Variants in TCF7L1 observed in about 807,000 individuals in gnomAD.
TCF7L1 encodes transcription factor 7-like 1.
In TCF7L1, 18 loss-of-function variants were observed where a neutral mutation model predicts 63.7. That is an observed-to-expected ratio of 0.28 (90% CI 0.20 to 0.42). TCF7L1 has a LOEUF of 0.42. Ranked by LOEUF, TCF7L1 falls within the 10% of genes least tolerant of loss-of-function variation. The pLI, the probability that TCF7L1 is intolerant of heterozygous loss-of-function variation, is 1.00. For synonymous variants in TCF7L1, 355 were observed against 340.9 expected (o/e 1.04, Z -0.46); for missense variants, 654 against 779.3 (o/e 0.84, Z 1.91).
At chr2:85,174,587 G>A (rs1054420273) in intron 3 of TCF7L1, among the ~76,000 whole-genome samples, 1 of 152,154 alleles carries the variant, frequency 6.6e-6, no homozygotes, top group African/African-American at 2.4e-5. Context: ...CATTTCTGTG[G>A]CTGTTCTGTG....
Position 85,303,968 on chromosome 2 carries a change from C to T in TCF7L1, c.732C>T (p.Ile244=), listed in dbSNP as rs750361650. ...TCTCTCCCGGAGCTGTCGGACAAAT[C>T]CCCCACCCCCTCGGCTGGCTCGTCC... The part of the protein sequence containing the change: ...YPLSPGAVGQ[I]PHPLGWLVPQ... Residue 244 remains isoleucine, a synonymous_variant, in exon 6 of 12, where the codon ATC becomes ATT. Coordinates refer to ENST00000282111, the MANE Select transcript of TCF7L1 (RefSeq NM_031283.3). 14 of 1,612,070 alleles carry T rather than the reference C, an allele frequency of 8.7e-6. 1 individual carries two copies. Among genetic ancestry groups the T allele is most frequent in the Non-Finnish European group, 1.2e-5 (14 of 1,179,110 alleles).
Position 85,310,158 on chromosome 2 carries a change from C to G in TCF7L1, c.*696C>G, listed in dbSNP as rs931899706. 7.2e-5 allele frequency: 11 copies of G among 152,670 alleles called. No individual in the cohort carries two copies. Among genetic ancestry groups the G allele is most frequent in the African/African-American group, 2.4e-4 (10 of 41,454 alleles). The allele number at this position is 152,670 out of a possible 1,614,324, so 9.5% of individuals were successfully genotyped here. On this transcript the variant is annotated 3_prime_UTR_variant, in exon 12 of 12. Coordinates refer to ENST00000282111, the MANE Select transcript of TCF7L1 (RefSeq NM_031283.3). ...CCCGTCCTTGCCAGTGGCGATCATC[C>G]CTTCACAATCCCAGAGTGGCAGGCG...
At chr2:85,174,168 A>G (rs917825789) in intron 3 of TCF7L1, among the ~76,000 whole-genome samples, 4 of 151,620 alleles carry the variant, frequency 2.6e-5, no homozygotes, top group Non-Finnish European at 5.9e-5. Context: ...CTCTCCCCCA[A>G]CCTTTGGCAG....
intron 3 of TCF7L1, among the ~76,000 whole-genome samples, chr2:85,282,497 A>ATTTGAT (rs1271029702): frequency 6.6e-6 from 1 of 152,214 alleles, no homozygotes; most frequent in African/African-American, 2.4e-5. Flanking sequence ...GTCATTTATC[A>ATTTGAT]AATGTCTCCC....
At chr2:85,148,086 A>G (rs1253940697) in intron 3 of TCF7L1, among the ~76,000 whole-genome samples, 5 of 152,214 alleles carry the variant, frequency 3.3e-5, no homozygotes, top group East Asian at 1.9e-4. Flanking sequence ...ACTTTACAAC[A>G]TAAGCTTTTT....
At chr2:85,252,121 G>A (rs185673325) in intron 3 of TCF7L1, among the ~76,000 whole-genome samples, 1 of 152,258 alleles carries the variant, frequency 6.6e-6, no homozygotes, top group African/African-American at 2.4e-5. Flanking sequence ...TGCTGTGTGT[G>A]CATTGGGTGG....
chr2:85,304,627 G>A lies in TCF7L1; in HGVS notation c.845+289G>A, dbSNP rs146471729. On this transcript the variant is annotated intron_variant, in intron 7 of 11. Transcript: ENST00000282111. ...AGCATTTTGAGGACAGATGCTCCCC[G>A]ACTTAGGATGGAGCCGCGTCCTGAT... Among the ~76,000 whole-genome samples, 931 of 152,254 alleles carry A rather than the reference G, an allele frequency of 6.1e-3. 12 individuals carry two copies. The highest frequency in any genetic ancestry group is 0.021 in the African/African-American group (868 of 41,528).
chr2:85,305,477 A>G, intron 8 of TCF7L1, 74 bp downstream of exon 8: 1 of 1,513,144 alleles, frequency 6.6e-7, no homozygotes, highest in Non-Finnish European at 8.9e-7. Flanking sequence ...TCTGAGCAGC[A>G]AATGTCATGT....
At chr2:85,295,235 C>T (rs1417021644) in intron 4 of TCF7L1, among the ~76,000 whole-genome samples, 1 of 152,028 alleles carries the variant, frequency 6.6e-6, no homozygotes, top group Non-Finnish European at 1.5e-5. Flanking sequence ...GAGTATTGCT[C>T]TTGTCACCCA....
intron 3 of TCF7L1, among the ~76,000 whole-genome samples, chr2:85,234,636 C>T (rs1250209202): frequency 6.6e-6 from 1 of 152,158 alleles, no homozygotes; most frequent in Non-Finnish European, 1.5e-5. Flanking sequence ...TATGTTCTGC[C>T]CGAAGTGGAT....
At chr2:85,256,211 C>G (rs1044618369) in intron 3 of TCF7L1, among the ~76,000 whole-genome samples, 1 of 152,214 alleles carries the variant, frequency 6.6e-6, no homozygotes. Context: ...TGGCGTCCCC[C>G]CCGCCCCAAC....
At chr2:85,242,991 G>A (rs79538389) in intron 3 of TCF7L1, among the ~76,000 whole-genome samples, 4 of 152,194 alleles carry the variant, frequency 2.6e-5, no homozygotes, top group Non-Finnish European at 4.4e-5. Flanking sequence ...TCGACGCACC[G>A]ACATCTTGGC....
At chr2:85,136,004 T>G (rs1677585426) in intron 3 of TCF7L1, among the ~76,000 whole-genome samples, 1 of 152,064 alleles carries the variant, frequency 6.6e-6, no homozygotes, top group East Asian at 1.9e-4. Context: ...CCCACACATG[T>G]AGCTTAGTTC....
chr2:85,204,662 C>T (rs949370561), intron 3 of TCF7L1, among the ~76,000 whole-genome samples: 2 of 152,046 alleles, frequency 1.3e-5, no homozygotes, highest in Non-Finnish European at 1.5e-5. Flanking sequence ...ACTGTAGGCA[C>T]GTGCACCACG....
chr2:85,181,330 T>C (rs187547286), intron 3 of TCF7L1, among the ~76,000 whole-genome samples: 54 of 152,358 alleles, frequency 3.5e-4, no homozygotes, highest in African/African-American at 1.2e-3. Context: ...GTTAGTAAAC[T>C]ACAGCCTTCA....
At chr2:85,236,997 T>C (rs1319532738) in intron 3 of TCF7L1, among the ~76,000 whole-genome samples, 1 of 152,214 alleles carries the variant, frequency 6.6e-6, no homozygotes, top group Non-Finnish European at 1.5e-5. Context: ...TGATCTCAGA[T>C]AACCTGCATT....
chr2:85,284,926 CAT>C (rs1475024845), intron 4 of TCF7L1, among the ~76,000 whole-genome samples: 1 of 152,164 alleles, frequency 6.6e-6, no homozygotes. Context: ...TACTTCATCT[CAT>C]AGGACATTTT....
At chr2:85,210,847 A>G (rs1482571822) in intron 3 of TCF7L1, among the ~76,000 whole-genome samples, 1 of 152,146 alleles carries the variant, frequency 6.6e-6, no homozygotes, top group Non-Finnish European at 1.5e-5. Flanking sequence ...TCATCTCATT[A>G]CCTCCACATG....
At chr2:85,222,690 G>T (rs534082574) in intron 3 of TCF7L1, among the ~76,000 whole-genome samples, 164 of 123,406 alleles carry the variant, frequency 1.3e-3, no homozygotes, top group Admixed American at 2.1e-3. Context: ...AAAAAAAAAA[G>T]ATTAAAGGCT....
Sources: allele counts gnomAD v4.1 joint callset (sites outside exome capture counted in the v4.1 genomes callset), GRCh38; gene constraint gnomAD v4.1.1; transcripts MANE v1.5; gene names NCBI Gene and HGNC (gene_info 2026-07-23, HGNC 2026-07-21).